The following EYS variants were observed in gnomAD, a reference collection of about 807,000 sequenced individuals.
The protein encoded by EYS is protein eyes shut homolog.
Under a neutral mutation model 282.1 loss-of-function variants are expected in EYS, and 250 were observed. The ratio of observed to expected loss-of-function variants is 0.89; its 90% CI spans 0.80 to 0.98. EYS has a LOEUF of 0.98. EYS is among the 50% of genes least tolerant of loss of function. The probability of loss-of-function intolerance (pLI) is 0.00; values close to 1 mark genes in which losing one functional copy is unlikely to be tolerated. For synonymous variants in EYS, 1,355 were observed against 1,282.9 expected (o/e 1.06, Z -1.20); for missense variants, 4,016 against 3,709.0 (o/e 1.08, Z -2.15).
chr6:64,795,752 G>A lies in EYS; in HGVS notation c.3443+17626C>T, dbSNP rs186141076. On this transcript the variant is annotated intron_variant, in intron 22 of 42. Transcript: ENST00000503581. ...AGGTAAACTCAATGGCTGGATTTTA[G>A]TATCCCCTAATGAGCTGTGACAGAA... Among the ~76,000 whole-genome samples the A allele has an allele frequency of 2.4e-3, 367 of 152,284 alleles. 1 individual carries two copies. Among genetic ancestry groups the A allele is most frequent in the Non-Finnish European group, 4.7e-3 (321 of 68,006 alleles).
At chr6:65,062,882 T>C (rs1056380344) in intron 12 of EYS, among the ~76,000 whole-genome samples, 6 of 152,016 alleles carry the variant, frequency 3.9e-5, no homozygotes, top group Non-Finnish European at 7.4e-5. Flanking sequence ...TAGACATGCA[T>C]GTATATGGGT....
intron 14 of EYS, among the ~76,000 whole-genome samples, chr6:64,993,861 A>G (rs946147082): frequency 6.6e-6 from 1 of 150,608 alleles, no homozygotes; most frequent in Non-Finnish European, 1.5e-5. Flanking sequence ...TGTTTGGGGG[A>G]AAAGTTAAAC....
intron 29 of EYS, among the ~76,000 whole-genome samples, chr6:64,363,784 A>C (rs2150410033): frequency 6.6e-6 from 1 of 152,048 alleles, no homozygotes; most frequent in South Asian, 2.1e-4. Context: ...CATTTCTTAC[A>C]TTTAACTTTA....
chr6:64,290,162 T>C (rs566730316), intron 30 of EYS, among the ~76,000 whole-genome samples: 1 of 152,250 alleles, frequency 6.6e-6, no homozygotes, highest in South Asian at 2.1e-4. Flanking sequence ...TTTATTGGTA[T>C]CTATCCATCA....
chr6:65,397,104 C>T (rs974591007), intron 7 of EYS, among the ~76,000 whole-genome samples: 2 of 151,812 alleles, frequency 1.3e-5, no homozygotes, highest in African/African-American at 2.4e-5. Flanking sequence ...CAGTCGAAAA[C>T]CTTCTCATGT....
intron 22 of EYS, among the ~76,000 whole-genome samples, chr6:64,669,744 T>C (rs1308940629): frequency 6.6e-6 from 1 of 152,190 alleles, no homozygotes; most frequent in African/African-American, 2.4e-5. Context: ...TTCAGAATGT[T>C]GAGAGTGGGA....
At chr6:64,662,244 GA>G (rs1769058477) in intron 22 of EYS, among the ~76,000 whole-genome samples, 1 of 98,502 alleles carries the variant, frequency 1.0e-5, no homozygotes, top group Admixed American at 1.5e-4. Flanking sequence ...GGGGTGGGGG[GA>G]GGGGGGAGGG....
At chr6:64,305,979 C>CTGA (rs1769430303) in intron 30 of EYS, among the ~76,000 whole-genome samples, 1 of 152,020 alleles carries the variant, frequency 6.6e-6, no homozygotes, top group African/African-American at 2.4e-5. Flanking sequence ...AATCATATAT[C>CTGA]TGATAAGGGA....
intron 22 of EYS, among the ~76,000 whole-genome samples, chr6:64,787,843 T>G (rs1440679007): frequency 6.6e-6 from 1 of 151,796 alleles, no homozygotes; most frequent in Non-Finnish European, 1.5e-5. Context: ...CTTAATTTTA[T>G]ATTTCAAGCT....
chr6:64,293,645 T>TATG (rs1768794907), intron 30 of EYS, among the ~76,000 whole-genome samples: 1 of 152,182 alleles, frequency 6.6e-6, no homozygotes, highest in Non-Finnish European at 1.5e-5. Flanking sequence ...ATGTAAATGC[T>TATG]ATGTTTCTTG....
intron 11 of EYS, among the ~76,000 whole-genome samples, chr6:65,300,143 T>C (rs1382188072): frequency 1.3e-5 from 2 of 152,166 alleles, no homozygotes; most frequent in African/African-American, 4.8e-5. Context: ...TCCCTCAATA[T>C]GCAAAATACA....
intron 33 of EYS, among the ~76,000 whole-genome samples, chr6:64,013,020 T>G (rs1768716411): frequency 6.6e-6 from 1 of 152,130 alleles, no homozygotes; most frequent in African/African-American, 2.4e-5. Context: ...TTAGATTATA[T>G]TAGTTAGACT....
intron 11 of EYS, among the ~76,000 whole-genome samples, chr6:65,323,925 A>G (rs2150307105): frequency 6.6e-6 from 1 of 152,188 alleles, no homozygotes. Flanking sequence ...GTTCTATTTA[A>G]TCTATTCCCC....
intron 27 of EYS, 35 bp downstream of exon 27, chr6:64,439,127 A>T: frequency 2.5e-6 from 3 of 1,224,028 alleles, no homozygotes; most frequent in Non-Finnish European, 3.3e-6. Context: ...ACAACTTTGT[A>T]ATTTTTAAAA....
chr6:64,033,346 G>T (rs1017281146), intron 33 of EYS, among the ~76,000 whole-genome samples: 2 of 152,106 alleles, frequency 1.3e-5, no homozygotes. Flanking sequence ...ATTAAATGTG[G>T]TTTTCTGGTA....
intron 19 of EYS, among the ~76,000 whole-genome samples, chr6:64,878,657 G>C (rs1002319616): frequency 6.6e-6 from 1 of 151,246 alleles, no homozygotes; most frequent in African/African-American, 2.4e-5. Flanking sequence ...GTGTGTTTGC[G>C]TGTGTGTGTT....
At chr6:65,235,306 G>C (rs1415534276) in intron 12 of EYS, among the ~76,000 whole-genome samples, 1 of 152,038 alleles carries the variant, frequency 6.6e-6, no homozygotes, top group Non-Finnish European at 1.5e-5. Flanking sequence ...CTGTGACTGA[G>C]CCACATTTAA....
At chr6:64,312,273 A>G (rs1769745581) in intron 29 of EYS, among the ~76,000 whole-genome samples, 1 of 152,064 alleles carries the variant, frequency 6.6e-6, no homozygotes, top group Non-Finnish European at 1.5e-5. Context: ...GTAAGTTGGA[A>G]CTGCGTGGAG....
At chr6:64,249,498 A>C (rs562647780) in intron 30 of EYS, among the ~76,000 whole-genome samples, 1 of 152,342 alleles carries the variant, frequency 6.6e-6, no homozygotes, top group Non-Finnish European at 1.5e-5. Context: ...CTATGCATAT[A>C]ACAAAATTGT....
Sources: allele counts gnomAD v4.1 joint callset (sites outside exome capture counted in the v4.1 genomes callset), GRCh38; gene constraint gnomAD v4.1.1; transcripts MANE v1.5; gene names NCBI Gene and HGNC (gene_info 2026-07-23, HGNC 2026-07-21).